The following LRRC4C variants were observed in gnomAD, a reference collection of about 807,000 sequenced individuals.
LRRC4C encodes leucine-rich repeat-containing protein 4C.
Under a neutral mutation model 33.6 loss-of-function variants are expected in LRRC4C, and 5 were observed. The ratio of observed to expected loss-of-function variants is 0.15; its 90% CI spans 0.08 to 0.31. The LOEUF (loss-of-function observed/expected upper bound fraction) is 0.31, where lower values mean the gene tolerates loss of function less well. Ranked by LOEUF, LRRC4C falls within the 10% of genes least tolerant of loss-of-function variation. The pLI is 1.00. For synonymous variants in LRRC4C, 329 were observed against 302.0 expected (o/e 1.09, Z -0.93); for missense variants, 560 against 796.7 (o/e 0.70, Z 3.58).
In LRRC4C at chr11:41,413,147, A is replaced by T. The variant is rs978680122; in HGVS notation, c.-496+46284T>A. Among the ~76,000 whole-genome samples, 10 of 152,222 alleles carry T rather than the reference A, an allele frequency of 6.6e-5. 1 individual carries two copies. The South Asian group carries it at 1.5e-3, about 22-fold the overall frequency. ...GTAGAGAATGAGGATGGTTTGATTTACTAGAGAACCCCGAATTATGAAGTA... is the reference window on the plus strand; with the variant it reads ...GTAGAGAATGAGGATGGTTTGATTTTCTAGAGAACCCCGAATTATGAAGTA... On this transcript the variant is annotated intron_variant, in intron 1 of 6. Transcript: ENST00000528697.
chr11:40,988,941 C>T (rs765369089), intron 1 of LRRC4C, among the ~76,000 whole-genome samples: 1 of 151,794 alleles, frequency 6.6e-6, no homozygotes, highest in Non-Finnish European at 1.5e-5. Context: ...AGGATGGTCG[C>T]GATCTCCTGA....
At chr11:40,232,123 CA>C (rs1865242889) in intron 5 of LRRC4C, among the ~76,000 whole-genome samples, 1 of 152,172 alleles carries the variant, frequency 6.6e-6, no homozygotes, top group Non-Finnish European at 1.5e-5. Context: ...TCTCCTGCCT[CA>C]ACCTCCCAAG....
chr11:40,892,889 A>G (rs1955783487), intron 2 of LRRC4C, among the ~76,000 whole-genome samples: 1 of 152,322 alleles, frequency 6.6e-6, no homozygotes, highest in African/African-American at 2.4e-5. Context: ...ATTATAATGT[A>G]TTTAATGTCA....
chr11:40,165,877 G>A (rs574283423), intron 5 of LRRC4C, among the ~76,000 whole-genome samples: 12 of 152,202 alleles, frequency 7.9e-5, no homozygotes, highest in Middle Eastern at 3.4e-3. Flanking sequence ...ACTGGGAGGC[G>A]GAGGTTGCAG....
rs553881247 is a variant in LRRC4C at position 40,642,830 on chromosome 11, A to G, written c.-270+5312T>C. Among the ~76,000 whole-genome samples the G allele has an allele frequency of 7.2e-4, 110 of 152,280 alleles. 1 individual carries two copies. Among genetic ancestry groups the G allele is most frequent in the African/African-American group, 2.5e-3 (105 of 41,566 alleles). On this transcript the variant is annotated intron_variant, in intron 3 of 6. Transcript: ENST00000528697. ...TAGTAGAGTTATTTTTTCTTTTTGT[A>G]AATTCATAGTTCCACCTTGATTATT...
At chr11:41,344,034 T>A (rs1332625503) in intron 1 of LRRC4C, among the ~76,000 whole-genome samples, 1 of 152,136 alleles carries the variant, frequency 6.6e-6, no homozygotes, top group Non-Finnish European at 1.5e-5. Flanking sequence ...GCAAACAAAA[T>A]GTTCTCCTCT....
In LRRC4C at chr11:40,397,760, G is replaced by T. The variant is rs1025962999; in HGVS notation, c.-269-78039C>A. 2.0e-4 allele frequency among the ~76,000 whole-genome samples: 31 copies of T among 152,064 alleles called. 1 individual carries two copies. The highest frequency in any genetic ancestry group is 7.5e-4 in the African/African-American group (31 of 41,408). ...GAGCATGGAACCAGTATGGCGGAAG[G>T]CATAGCAGAAGGCAATGTCAGACAA... is the stretch of plus-strand genomic sequence containing the variant. On this transcript the variant is annotated intron_variant, in intron 3 of 6. Coordinates refer to ENST00000528697, the MANE Select transcript of LRRC4C (RefSeq NM_001258419.2).
At chr11:41,048,635 G>A (rs1448242077) in intron 1 of LRRC4C, among the ~76,000 whole-genome samples, 1 of 152,060 alleles carries the variant, frequency 6.6e-6, no homozygotes, top group Non-Finnish European at 1.5e-5. Context: ...CCTGTATAAT[G>A]ATCAATATGT....
chr11:41,330,128 C>T lies in LRRC4C; in HGVS notation c.-496+129303G>A, dbSNP rs117814067. On this transcript the variant is annotated intron_variant, in intron 1 of 6. Transcript: ENST00000528697. ...AGTACTGATGGAGTCACCAATGCAACACATCTGTATCAGTATGCATTTGCA... is the reference window on the plus strand; with the variant it reads ...AGTACTGATGGAGTCACCAATGCAATACATCTGTATCAGTATGCATTTGCA... 3.2e-4 allele frequency among the ~76,000 whole-genome samples: 49 copies of T among 152,276 alleles called. No homozygotes were observed. The East Asian group carries it at 9.3e-3, about 29-fold the overall frequency.
At chr11:40,809,290 T>A (rs1951382918) in intron 2 of LRRC4C, among the ~76,000 whole-genome samples, 1 of 152,192 alleles carries the variant, frequency 6.6e-6, no homozygotes, top group African/African-American at 2.4e-5. Flanking sequence ...GATAAGCATC[T>A]GACACGTTCT....
At chr11:40,505,300 C>A (rs960706439) in intron 3 of LRRC4C, among the ~76,000 whole-genome samples, 1 of 152,138 alleles carries the variant, frequency 6.6e-6, no homozygotes, top group Non-Finnish European at 1.5e-5. Flanking sequence ...ACTGTTGACA[C>A]CTTACTTCCT....
intron 5 of LRRC4C, among the ~76,000 whole-genome samples, chr11:40,179,159 C>T (rs1378182018): frequency 6.6e-6 from 1 of 151,866 alleles, no homozygotes; most frequent in African/African-American, 2.4e-5. Flanking sequence ...TGTGTGCCAC[C>T]ATGATTGGAT....
intron 4 of LRRC4C, among the ~76,000 whole-genome samples, chr11:40,294,566 C>G (rs889454272): frequency 6.6e-6 from 1 of 152,108 alleles, no homozygotes; most frequent in South Asian, 2.1e-4. Context: ...CGGTGTCTCA[C>G]GCCTGTAATC....
chr11:40,807,068 C>T (rs1951284673), intron 2 of LRRC4C, among the ~76,000 whole-genome samples: 1 of 152,056 alleles, frequency 6.6e-6, no homozygotes, highest in African/African-American at 2.4e-5. Context: ...TCTCTTCATC[C>T]CTTTAAGAAA....
At chr11:40,309,834 GC>G in intron 4 of LRRC4C, among the ~76,000 whole-genome samples, 1 of 152,218 alleles carries the variant, frequency 6.6e-6, no homozygotes, top group South Asian at 2.1e-4. Context: ...GGCTGCTCAG[GC>G]CCCCAGAAGC....
At position 40,589,669 on chromosome 11, in the gene LRRC4C, C is replaced by T. The variant is rs1273981891; in HGVS notation, c.-270+58473G>A. Among the ~76,000 whole-genome samples, 45 of 151,472 alleles carry T rather than the reference C, an allele frequency of 3.0e-4. 1 individual carries two copies. Among genetic ancestry groups the T allele is most frequent in the Admixed American group, 2.9e-3 (44 of 15,198 alleles). Reference sequence around the variant, plus strand: ...CCTTCAGGAGCTCTTTTAGGGCAGGCCTGGTGGTGACAAAATCTCTCAGCA... The same window carrying T: ...CCTTCAGGAGCTCTTTTAGGGCAGGTCTGGTGGTGACAAAATCTCTCAGCA... On this transcript the variant is annotated intron_variant, in intron 3 of 6. Coordinates refer to ENST00000528697, the MANE Select transcript of LRRC4C (RefSeq NM_001258419.2).
At position 40,898,480 on chromosome 11, in the gene LRRC4C, T is replaced by C. The variant is rs1016124527; in HGVS notation, c.-407+35155A>G. ...AGATTGGTAAAGATGGGAATAATCA[T>C]ACGGATAGAAAAGGAATCTGATCTC... On this transcript the variant is annotated intron_variant, in intron 2 of 6. Coordinates refer to ENST00000528697, the MANE Select transcript of LRRC4C (RefSeq NM_001258419.2). Among the ~76,000 whole-genome samples, 3 of 151,726 alleles carry C rather than the reference T, an allele frequency of 2.0e-5. No homozygotes were observed. The East Asian group carries it at 5.8e-4, about 30-fold the overall frequency.
intron 2 of LRRC4C, among the ~76,000 whole-genome samples, chr11:40,915,859 A>G (rs1487706859): frequency 2.0e-5 from 3 of 152,166 alleles, no homozygotes; most frequent in African/African-American, 7.2e-5. Context: ...AGAAAAAAAC[A>G]AACAACCCCA....
chr11:40,790,761 C>A (rs189354754), intron 2 of LRRC4C, among the ~76,000 whole-genome samples: 1 of 152,304 alleles, frequency 6.6e-6, no homozygotes, highest in East Asian at 1.9e-4. Flanking sequence ...TTGGGAAAAT[C>A]ATTAGTGTTT....
Sources: allele counts gnomAD v4.1 joint callset (sites outside exome capture counted in the v4.1 genomes callset), GRCh38; gene constraint gnomAD v4.1.1; transcripts MANE v1.5; gene names NCBI Gene and HGNC (gene_info 2026-07-23, HGNC 2026-07-21).